Variants in DNAH6 observed in about 807,000 individuals in gnomAD.
DNAH6 encodes axonemal beta dynein heavy chain 6.
In DNAH6, 340 loss-of-function variants were observed where a neutral mutation model predicts 491.4. The observed-to-expected ratio is 0.69, with a 90% CI of 0.63 to 0.76. The LOEUF (loss-of-function observed/expected upper bound fraction) is 0.76. Ranked by LOEUF, DNAH6 falls within the 30% of genes least tolerant of loss-of-function variation. The pLI is 0.00. For missense variants in DNAH6, 4,443 were observed against 4,972.2 expected (o/e 0.89, Z 3.20); for synonymous variants, 1,603 against 1,686.1 (o/e 0.95, Z 1.21).
chr2:84,462,756 G>A, the DNAH6 span, among the ~76,000 whole-genome samples: 1 of 152,194 alleles, frequency 6.6e-6, no homozygotes, highest in African/African-American at 2.4e-5. Flanking sequence ...CCTGAATTTG[G>A]AAGGCAGGCC....
intron 65 of DNAH6, among the ~76,000 whole-genome samples, chr2:84,784,288 T>C (rs1676970019): frequency 6.6e-6 from 1 of 151,840 alleles, no homozygotes; most frequent in African/African-American, 2.4e-5. Flanking sequence ...ACTTTTCTGC[T>C]GAGGGGAGAA....
At chr2:84,563,278 CTGTTT>C in intron 11 of DNAH6, among the ~76,000 whole-genome samples, 1 of 152,276 alleles carries the variant, frequency 6.6e-6, no homozygotes, top group South Asian at 2.1e-4. Context: ...AATGGTAGCT[CTGTTT>C]TAAGTTCTTT....
intron 63 of DNAH6, among the ~76,000 whole-genome samples, chr2:84,747,516 G>A (rs1047287699): frequency 6.6e-6 from 1 of 152,224 alleles, no homozygotes; most frequent in Non-Finnish European, 1.5e-5. Flanking sequence ...GCCTTAGTAA[G>A]CCCTGTCCCC....
chr2:84,629,473 C>A (rs1688188177), intron 29 of DNAH6, among the ~76,000 whole-genome samples: 1 of 152,196 alleles, frequency 6.6e-6, no homozygotes, highest in African/African-American at 2.4e-5. Flanking sequence ...CCATTGTATT[C>A]TCCTGGTTAC....
intron 39 of DNAH6, 118 bp from the exon 40 acceptor site, chr2:84,672,209 A>C: frequency 9.7e-7 from 1 of 1,034,280 alleles, no homozygotes; most frequent in Non-Finnish European, 1.4e-6. Context: ...CAGGACTCAG[A>C]ACTGAGCTCT....
At chr2:84,537,694 T>C (rs1677827188) in intron 4 of DNAH6, among the ~76,000 whole-genome samples, 1 of 152,092 alleles carries the variant, frequency 6.6e-6, no homozygotes, top group African/African-American at 2.4e-5. Flanking sequence ...TTCAGGTTGG[T>C]ATAAAAGGAC....
intron 31 of DNAH6, among the ~76,000 whole-genome samples, chr2:84,637,931 C>T (rs1395220518): frequency 6.6e-6 from 1 of 152,010 alleles, no homozygotes; most frequent in South Asian, 2.1e-4. Flanking sequence ...AAATGCTAGC[C>T]AAAAATTGAT....
intron 11 of DNAH6, among the ~76,000 whole-genome samples, chr2:84,571,231 A>G (rs1315672690): frequency 1.3e-5 from 2 of 152,088 alleles, no homozygotes; most frequent in Admixed American, 6.5e-5. Flanking sequence ...AATTCACTAC[A>G]GAAGCCATCA....
chr2:84,813,439 G>A (rs1440867631), intron 74 of DNAH6, among the ~76,000 whole-genome samples: 1 of 152,162 alleles, frequency 6.6e-6, no homozygotes, highest in Admixed American at 6.5e-5. Context: ...GGCATCAACT[G>A]CTGTCCACCT....
intron 75 of DNAH6, 35 bp from the exon 76 acceptor site, chr2:84,815,826 C>G: frequency 2.1e-5 from 32 of 1,491,116 alleles, no homozygotes; most frequent in Non-Finnish European, 2.9e-5. Flanking sequence ...TCCCTTTTCC[C>G]CCATCTCACT....
intron 37 of DNAH6, among the ~76,000 whole-genome samples, chr2:84,663,748 G>A (rs571338755): frequency 4.6e-5 from 7 of 152,022 alleles, no homozygotes; most frequent in East Asian, 1.9e-4. Flanking sequence ...TACAGAGAAC[G>A]CCACAAAGAT....
At chr2:84,726,258 T>TG (rs1698618361) in intron 60 of DNAH6, among the ~76,000 whole-genome samples, 1 of 152,118 alleles carries the variant, frequency 6.6e-6, no homozygotes, top group Non-Finnish European at 1.5e-5. Context: ...GAACAATATA[T>TG]CTTGATCCCA....
the DNAH6 span, among the ~76,000 whole-genome samples, chr2:84,507,489 A>C: frequency 1.3e-5 from 2 of 152,168 alleles, no homozygotes; most frequent in African/African-American, 4.8e-5. Context: ...GGTTTTCTAG[A>C]TATACAGTCA....
chr2:84,462,789 C>T, the DNAH6 span, among the ~76,000 whole-genome samples: 2 of 152,212 alleles, frequency 1.3e-5, no homozygotes, highest in East Asian at 1.9e-4. Flanking sequence ...CTATGTCTGC[C>T]TCCTTCCTAG....
chr2:84,510,449 C>T, the DNAH6 span, among the ~76,000 whole-genome samples: 112 of 152,312 alleles, frequency 7.4e-4, no homozygotes, highest in African/African-American at 2.6e-3. Context: ...GACTTCTCTG[C>T]ATTGGTTATT....
intron 11 of DNAH6, among the ~76,000 whole-genome samples, chr2:84,569,877 A>G (rs1302895840): frequency 6.6e-6 from 1 of 152,184 alleles, no homozygotes; most frequent in Admixed American, 6.5e-5. Context: ...TTGCATTGGA[A>G]TAGAGTTGTG....
At chr2:84,511,323 T>C in the DNAH6 span, among the ~76,000 whole-genome samples, 1 of 152,212 alleles carries the variant, frequency 6.6e-6, no homozygotes. Context: ...GATCTCAGAC[T>C]GCTGTGCTAG....
At chr2:84,815,539 G>A (rs924639406) in intron 75 of DNAH6, among the ~76,000 whole-genome samples, 1 of 152,100 alleles carries the variant, frequency 6.6e-6, no homozygotes, top group African/African-American at 2.4e-5. Flanking sequence ...ATTGTCCATG[G>A]GCACTCTGCA....
the DNAH6 span, among the ~76,000 whole-genome samples, chr2:84,507,818 A>T: frequency 6.6e-6 from 1 of 152,206 alleles, no homozygotes; most frequent in African/African-American, 2.4e-5. Context: ...GCATCTGTTG[A>T]GATAATCATG....
Sources: allele counts gnomAD v4.1 joint callset (sites outside exome capture counted in the v4.1 genomes callset), GRCh38; gene constraint gnomAD v4.1.1; transcripts MANE v1.5; gene names NCBI Gene and HGNC (gene_info 2026-07-23, HGNC 2026-07-21).